Variants in LIN28B observed in about 807,000 individuals in gnomAD.
LIN28B encodes the protein lin-28 RNA binding posttranscriptional regulator B, also known as protein lin-28 homolog B.
Under a neutral mutation model 21.9 loss-of-function variants are expected in LIN28B, and 5 were observed. That is an observed-to-expected ratio of 0.23 (90% confidence interval 0.12 to 0.48). The LOEUF (loss-of-function observed/expected upper bound fraction) is 0.48, where lower values mean the gene tolerates loss of function less well. Ranked by LOEUF, LIN28B falls within the 20% of genes least tolerant of loss-of-function variation. The probability of loss-of-function intolerance (pLI) is 0.98; values close to 1 mark genes in which losing one functional copy is unlikely to be tolerated. For synonymous variants in LIN28B, 109 were observed against 111.3 expected (o/e 0.98, Z 0.13); for missense variants, 245 against 310.5 (o/e 0.79, Z 1.58).
intron 3 of LIN28B, among the ~76,000 whole-genome samples, chr6:105,031,752 G>A (rs1321475864): frequency 3.3e-5 from 5 of 152,018 alleles, no homozygotes; most frequent in Admixed American, 2.6e-4. Context: ...AGCCAGGATG[G>A]TCTCAATCTC....
intron 2 of LIN28B, among the ~76,000 whole-genome samples, chr6:105,012,836 C>T (rs1770951752): frequency 6.6e-6 from 1 of 152,130 alleles, no homozygotes; most frequent in African/African-American, 2.4e-5. Flanking sequence ...AAAAGCCTAG[C>T]CATGGAACCT....
At chr6:105,011,351 T>C (rs1770918914) in intron 2 of LIN28B, among the ~76,000 whole-genome samples, 1 of 152,094 alleles carries the variant, frequency 6.6e-6, no homozygotes, top group Non-Finnish European at 1.5e-5. Context: ...TCACAATGCC[T>C]GGCTAATTTT....
At chr6:104,950,090 T>C (rs1324856588) in intron 2 of LIN28B, among the ~76,000 whole-genome samples, 1 of 152,152 alleles carries the variant, frequency 6.6e-6, no homozygotes, top group African/African-American at 2.4e-5. Flanking sequence ...AGAAACATGA[T>C]ATTCTAGGTT....
intron 2 of LIN28B, among the ~76,000 whole-genome samples, chr6:105,010,107 G>A (rs1582893567): frequency 6.6e-6 from 1 of 151,990 alleles, no homozygotes; most frequent in African/African-American, 2.4e-5. Context: ...ATACTTCATA[G>A]CAGTAAGAAT....
intron 3 of LIN28B, among the ~76,000 whole-genome samples, chr6:105,075,072 A>G (rs1772399751): frequency 6.6e-6 from 1 of 152,228 alleles, no homozygotes; most frequent in Non-Finnish European, 1.5e-5. Context: ...CATTTAATAA[A>G]GTACTTAGCA....
At chr6:104,959,636 AG>A (rs2114568927) in intron 2 of LIN28B, among the ~76,000 whole-genome samples, 1 of 152,340 alleles carries the variant, frequency 6.6e-6, no homozygotes, top group East Asian at 1.9e-4. Context: ...ACAGGGTTTA[AG>A]TACACAAATA....
chr6:105,038,500 G>C (rs757255846), intron 3 of LIN28B, among the ~76,000 whole-genome samples: 21 of 152,132 alleles, frequency 1.4e-4, no homozygotes, highest in Non-Finnish European at 2.8e-4. Context: ...GACCTGCTGG[G>C]CAGGTCTGTG....
intron 2 of LIN28B, among the ~76,000 whole-genome samples, chr6:104,947,376 G>C (rs1379604605): frequency 6.6e-6 from 1 of 152,122 alleles, no homozygotes; most frequent in Non-Finnish European, 1.5e-5. Context: ...CACCTGCCTT[G>C]GCCTCCCAAA....
intron 2 of LIN28B, among the ~76,000 whole-genome samples, chr6:105,018,458 A>G (rs1771072526): frequency 6.6e-6 from 1 of 152,006 alleles, no homozygotes; most frequent in Admixed American, 6.6e-5. Flanking sequence ...CTCAGTTTCG[A>G]CTGCTGTCTT....
At chr6:104,948,203 T>A (rs974395861) in intron 2 of LIN28B, among the ~76,000 whole-genome samples, 3 of 152,184 alleles carry the variant, frequency 2.0e-5, no homozygotes, top group African/African-American at 7.2e-5. Context: ...GCACGGTGGC[T>A]CATGCCTGTA....
chr6:105,012,809 T>C (rs554065753), intron 2 of LIN28B, among the ~76,000 whole-genome samples: 1 of 152,176 alleles, frequency 6.6e-6, no homozygotes, highest in Non-Finnish European at 1.5e-5. Context: ...GAACATGTGT[T>C]TTAATTTCTC....
upstream of LIN28B, among the ~76,000 whole-genome samples, chr6:104,955,042 T>C (rs139581789): frequency 2.2e-3 from 336 of 152,334 alleles, 1 homozygote; most frequent in African/African-American, 7.8e-3. Flanking sequence ...ACATGAATAC[T>C]TTCTGAGATT....
intron 3 of LIN28B, among the ~76,000 whole-genome samples, chr6:105,061,268 G>C (rs1353514450): frequency 6.6e-6 from 1 of 152,040 alleles, no homozygotes; most frequent in Non-Finnish European, 1.5e-5. Flanking sequence ...CTACATACAG[G>C]AAGAAATGCA....
At chr6:104,973,768 C>A (rs1770026613) in intron 2 of LIN28B, among the ~76,000 whole-genome samples, 1 of 152,178 alleles carries the variant, frequency 6.6e-6, no homozygotes, top group African/African-American at 2.4e-5. Context: ...TCTGTTCTGT[C>A]TCTTTAGGTA....
At chr6:105,024,239 G>A (rs1582902885) in intron 2 of LIN28B, among the ~76,000 whole-genome samples, 3 of 152,174 alleles carry the variant, frequency 2.0e-5, no homozygotes, top group East Asian at 1.9e-4. Context: ...TGATCTGCCC[G>A]CCTTGGCCTC....
intron 3 of LIN28B, among the ~76,000 whole-genome samples, chr6:105,053,765 T>A (rs979054415): frequency 1.3e-5 from 2 of 150,528 alleles, no homozygotes; most frequent in African/African-American, 4.9e-5. Flanking sequence ...GGTGTTTCAC[T>A]CTTGTAGCCC....
At chr6:105,024,298 TAG>T (rs1467418944) in intron 2 of LIN28B, among the ~76,000 whole-genome samples, 1 of 152,146 alleles carries the variant, frequency 6.6e-6, no homozygotes, top group Non-Finnish European at 1.5e-5. Context: ...AGCCCAGTGA[TAG>T]AGTTTTTGTT....
At chr6:105,057,694 A>G (rs1371321247) in intron 3 of LIN28B, among the ~76,000 whole-genome samples, 1 of 152,176 alleles carries the variant, frequency 6.6e-6, no homozygotes, top group Non-Finnish European at 1.5e-5. Flanking sequence ...TTACCACTAT[A>G]TTTTAAAATT....
upstream of LIN28B, among the ~76,000 whole-genome samples, chr6:104,956,568 A>G (rs1477317640): frequency 6.6e-6 from 1 of 152,216 alleles, no homozygotes; most frequent in African/African-American, 2.4e-5. Flanking sequence ...TGTTTTCATT[A>G]TCTAAAGTTT....
Sources: allele counts gnomAD v4.1 joint callset (sites outside exome capture counted in the v4.1 genomes callset), GRCh38; gene constraint gnomAD v4.1.1; transcripts MANE v1.5; gene names NCBI Gene and HGNC (gene_info 2026-07-23, HGNC 2026-07-21).